The following INSL6 variants were observed in gnomAD, a reference collection of about 807,000 sequenced individuals.
The protein encoded by INSL6 is insulin-like peptide INSL6.
INSL6 carries 16 observed loss-of-function variants against 9.4 expected under a neutral mutation model. The ratio of observed to expected loss-of-function variants is 1.70; its 90% CI spans 1.15 to 2.59. INSL6 has a LOEUF of 2.59. Ranked by LOEUF, INSL6 falls within the 30% of genes most tolerant of loss-of-function variation. INSL6 has a pLI of 0.00. For synonymous variants in INSL6, 154 were observed against 96.9 expected (o/e 1.59, Z -3.46); for missense variants, 391 against 257.3 (o/e 1.52, Z -3.56).
chr9:5,077,435 A>G, the INSL6 span: 2 of 921,182 alleles, frequency 2.2e-6, no homozygotes, highest in Non-Finnish European at 3.0e-6. Flanking sequence ...TATTATTATT[A>G]CTTATATTTT....
rs567673093 is a variant in INSL6, at chr9:5,134,963, T to C, written c.377-1371A>G. Among the ~76,000 whole-genome samples, 16 of 152,086 alleles carry C rather than the reference T, an allele frequency of 1.1e-4. No individual in the cohort carries two copies. In the South Asian group the frequency reaches 1.2e-3, roughly 12 times the overall value. On this transcript the variant is annotated intron_variant, in intron 2 of 3. Coordinates refer to the INSL6 transcript ENST00000649639. ...CCCAGCTCACATGCAAAGACACACATAGGCTCAAAATAAAGGAATGGAGGA... is the reference window on the plus strand; with the variant it reads ...CCCAGCTCACATGCAAAGACACACACAGGCTCAAAATAAAGGAATGGAGGA...
intron 2 of INSL6, among the ~76,000 whole-genome samples, chr9:5,140,364 A>G (rs1824473646): frequency 6.6e-6 from 1 of 152,150 alleles, no homozygotes; most frequent in Non-Finnish European, 1.5e-5. Context: ...TATATTAGTC[A>G]TCAGAGCTCC....
chr9:5,185,599 G>T lies in INSL6; in HGVS notation c.4C>A (p.Pro2Thr). The T allele has an allele frequency of 3.7e-6, 6 of 1,611,022 alleles. No homozygotes were observed. The highest frequency in any genetic ancestry group is 5.1e-6 in the Non-Finnish European group (6 of 1,179,286). ...AGCAGGGACAAGCGGAGGAGCCGCG[G>T]CATCCCTGTGACCCCAGGCTAGTCC... M[P>T]RLLRLSLLWL... Residue 2 changes from proline (P) to threonine (T), a missense_variant, in exon 1 of 2, where the codon CCG becomes ACG. Physicochemically the swap from Pro to Thr is conservative, Grantham distance 38 (BLOSUM62 -1). Coordinates refer to ENST00000381641, the MANE Select transcript of INSL6 (RefSeq NM_007179.3).
chr9:5,062,853 C>G, the INSL6 span, among the ~76,000 whole-genome samples: 4 of 152,134 alleles, frequency 2.6e-5, no homozygotes, highest in African/African-American at 9.6e-5. Context: ...TATAGGTCAG[C>G]TTTAATATTT....
chr9:5,159,503 C>A (rs956896336), downstream of INSL6, among the ~76,000 whole-genome samples: 3 of 151,826 alleles, frequency 2.0e-5, no homozygotes, highest in African/African-American at 7.3e-5. Flanking sequence ...AGGAGTGACT[C>A]TACTTATATT....
At chr9:5,034,931 A>C in the INSL6 span, among the ~76,000 whole-genome samples, 1 of 152,228 alleles carries the variant, frequency 6.6e-6, no homozygotes, top group African/African-American at 2.4e-5. Context: ...CCCTTCAAAA[A>C]AATCAATGAA....
intron 2 of INSL6, among the ~76,000 whole-genome samples, chr9:5,140,541 A>C (rs1586858420): frequency 6.6e-6 from 1 of 152,218 alleles, no homozygotes; most frequent in East Asian, 1.9e-4. Context: ...TTAGTCTTGC[A>C]CATCACTATT....
the INSL6 span, among the ~76,000 whole-genome samples, chr9:5,039,615 G>T: frequency 6.6e-6 from 1 of 151,892 alleles, no homozygotes; most frequent in African/African-American, 2.4e-5. Context: ...AAAACTATTA[G>T]AACTAATAAA....
chr9:5,010,674 A>G, the INSL6 span, among the ~76,000 whole-genome samples: 3 of 152,198 alleles, frequency 2.0e-5, no homozygotes, highest in African/African-American at 7.2e-5. Context: ...ATTATAATTA[A>G]TCACATATTT....
At chr9:5,107,353 A>G in the INSL6 span, among the ~76,000 whole-genome samples, 2 of 152,124 alleles carry the variant, frequency 1.3e-5, no homozygotes, top group Non-Finnish European at 1.5e-5. Flanking sequence ...ATTTGACCCA[A>G]TAACCTCCAA....
chr9:5,094,653 C>T, the INSL6 span: 2 of 152,226 alleles, frequency 1.3e-5, no homozygotes, highest in East Asian at 1.9e-4. Flanking sequence ...AAAAACTAAC[C>T]GAGCCCCTTT....
the INSL6 span, among the ~76,000 whole-genome samples, chr9:5,118,023 A>C: frequency 6.6e-6 from 1 of 152,216 alleles, no homozygotes; most frequent in African/African-American, 2.4e-5. Context: ...TATTTTCTAA[A>C]GTACTGTAAA....
the INSL6 span, among the ~76,000 whole-genome samples, chr9:5,036,088 C>T: frequency 6.6e-6 from 1 of 152,168 alleles, no homozygotes. Context: ...CCACCAATAA[C>T]AGACAAACAG....
At chr9:5,005,083 ATTTTTTTTTTTTTTTTTTTTTTTT>A in the INSL6 span, among the ~76,000 whole-genome samples, 529 of 40,004 alleles carry the variant, frequency 0.013, 2 homozygotes, top group Admixed American at 0.022. Context: ...TGCCTGGCTA[ATTTTTTTTTTTTTTTTTTTTTTTT>A]TTTTTTTTTT....
Position 5,145,587 on chromosome 9 carries a change from A to T in INSL6, c.377-11995T>A, listed in dbSNP as rs79109074. On this transcript the variant is annotated intron_variant, in intron 2 of 3. Transcript: ENST00000649639. ...GTTCCACTCTTCCCAGCTCTTTCAGATATACCAATCAGTTGCAGGCTGGGT... is the reference window on the plus strand; with the variant it reads ...GTTCCACTCTTCCCAGCTCTTTCAGTTATACCAATCAGTTGCAGGCTGGGT... Among the ~76,000 whole-genome samples, 25 of 152,226 alleles carry T rather than the reference A, an allele frequency of 1.6e-4. No homozygotes were observed. The East Asian group carries it at 3.7e-3, about 22-fold the overall frequency.
chr9:5,076,943 T>C, the INSL6 span, among the ~76,000 whole-genome samples: 3 of 140,544 alleles, frequency 2.1e-5, no homozygotes, highest in Non-Finnish European at 4.8e-5. Flanking sequence ...TATATATTTT[T>C]TTAAAAAAGT....
chr9:5,177,960 C>T (rs1266208896), intron 1 of INSL6, among the ~76,000 whole-genome samples: 1 of 152,190 alleles, frequency 6.6e-6, no homozygotes, highest in African/African-American at 2.4e-5. Flanking sequence ...ACTGTAACCT[C>T]CACCTCCCAG....
At chr9:5,107,545 C>G in the INSL6 span, among the ~76,000 whole-genome samples, 1 of 151,912 alleles carries the variant, frequency 6.6e-6, no homozygotes, top group Non-Finnish European at 1.5e-5. Flanking sequence ...CAAAAGAACT[C>G]AAAAAGGGTT....
chr9:5,181,959 T>C (rs569732891), intron 1 of INSL6, among the ~76,000 whole-genome samples: 3 of 152,258 alleles, frequency 2.0e-5, no homozygotes, highest in East Asian at 1.9e-4. Context: ...GGACACAGGA[T>C]TGGTGGTGCA....
Sources: allele counts gnomAD v4.1 joint callset (sites outside exome capture counted in the v4.1 genomes callset), GRCh38; gene constraint gnomAD v4.1.1; transcripts MANE v1.5; gene names NCBI Gene and HGNC (gene_info 2026-07-23, HGNC 2026-07-21).